LAMB1: variants seen among roughly 807,000 people sequenced by gnomAD.
LAMB1 encodes the protein laminin subunit beta 1, also known as laminin subunit beta-1.
Under a neutral mutation model 222.3 loss-of-function variants are expected in LAMB1, and 121 were observed. That is an observed-to-expected ratio of 0.54 (90% CI 0.47 to 0.63). LAMB1 has a LOEUF of 0.63. Among genes scored for constraint, LAMB1 ranks in the 30% least tolerant of loss-of-function variants. The pLI, the probability that LAMB1 is intolerant of heterozygous loss-of-function variation, is 0.00. For synonymous variants in LAMB1, 794 were observed against 807.2 expected, an observed-to-expected ratio of 0.98 and a Z score of 0.28; for missense variants, 2,172 against 2,240.8, an observed-to-expected ratio of 0.97 and a Z score of 0.62.
chr7:107,927,158 T>C (rs1157495667), intron 31 of LAMB1, among the ~76,000 whole-genome samples: 1 of 152,214 alleles, frequency 6.6e-6, no homozygotes, highest in African/African-American at 2.4e-5. Context: ...AGGGTCAGTA[T>C]AAGACATAGG....
intron 24 of LAMB1, among the ~76,000 whole-genome samples, chr7:107,941,800 A>G (rs1185761075): frequency 1.5e-5 from 2 of 133,488 alleles, no homozygotes; most frequent in East Asian, 2.3e-4. Flanking sequence ...CTGGGATTAC[A>G]GGCATGCGCC....
Position 108,003,144 on chromosome 7 carries a change from C to G in LAMB1, c.-120G>C. Reference sequence around the variant, plus strand: ...GCGAGCTCTCGCCCTGCTCCGGGAGCCCCCGAGCCCAAAGAAGGGAATTAG... The same window carrying G: ...GCGAGCTCTCGCCCTGCTCCGGGAGGCCCCGAGCCCAAAGAAGGGAATTAG... On this transcript the variant is annotated 5_prime_UTR_variant, in exon 1 of 34. Coordinates refer to ENST00000222399, the MANE Select transcript of LAMB1 (RefSeq NM_002291.3). 1.6e-6 allele frequency: 1 copy of G among 633,536 alleles called. No individual in the cohort carries two copies. The highest frequency in any genetic ancestry group is 3.3e-5 in the Admixed American group (1 of 29,962). The allele number at this position is 633,536 out of a possible 1,614,324, so 39.2% of individuals were successfully genotyped here.
chr7:107,965,363 T>C (rs1451802428), intron 13 of LAMB1, among the ~76,000 whole-genome samples: 4 of 152,178 alleles, frequency 2.6e-5, no homozygotes, highest in Non-Finnish European at 5.9e-5. Context: ...GCGGATCACC[T>C]GAGGTTGGGA....
intron 24 of LAMB1, among the ~76,000 whole-genome samples, chr7:107,948,915 A>G: frequency 6.6e-6 from 1 of 152,218 alleles, no homozygotes; most frequent in East Asian, 1.9e-4. Flanking sequence ...CAGAAAAAAA[A>G]AGGAAATGCC....
intron 24 of LAMB1, among the ~76,000 whole-genome samples, chr7:107,949,054 C>A (rs34078985): frequency 6.6e-6 from 1 of 152,128 alleles, no homozygotes; most frequent in Non-Finnish European, 1.5e-5. Flanking sequence ...AAGTTTCTTA[C>A]GTAATGAGCT....
intron 4 of LAMB1, 26 bp downstream of exon 4, chr7:107,998,331 A>C: frequency 6.2e-7 from 1 of 1,612,608 alleles, no homozygotes. Flanking sequence ...CACTCAACGG[A>C]ACTTGTCCCC....
At chr7:107,935,054 T>G (rs919667814) in intron 27 of LAMB1, among the ~76,000 whole-genome samples, 3 of 151,960 alleles carry the variant, frequency 2.0e-5, no homozygotes, top group Non-Finnish European at 1.5e-5. Flanking sequence ...CTGTCTCTAC[T>G]TAGGAAAAAA....
intron 24 of LAMB1, among the ~76,000 whole-genome samples, chr7:107,941,489 T>A (rs2032980316): frequency 6.6e-6 from 1 of 152,166 alleles, no homozygotes. Context: ...AGCATCGGAC[T>A]CAGGGTTAAC....
chr7:107,959,434 G>A lies in LAMB1; in HGVS notation c.2505C>T (p.Pro835=), dbSNP rs764193183. The A allele has an allele frequency of 5.0e-6, 8 of 1,614,208 alleles. No homozygotes were observed. The highest frequency in any genetic ancestry group is 2.2e-5 in the East Asian group (1 of 44,890). ...LQGSVNAFCN[P]VTGQCHCFQG... The stretch of plus-strand genomic sequence containing the variant: ...GGAAACAGTGGCACTGGCCAGTGAC[G>A]GGATTGCAGAAGGCATTGACAGATC... The change falls in exon 20 of 34, where the codon CCC becomes CCT. Residue 835 remains proline, a synonymous_variant. Transcript: ENST00000222399.
At chr7:107,957,474 C>T (rs1290700701) in intron 20 of LAMB1, among the ~76,000 whole-genome samples, 1 of 152,068 alleles carries the variant, frequency 6.6e-6, no homozygotes, top group African/African-American at 2.4e-5. Context: ...CTTGAACCTG[C>T]GAGTCAGAGG....
At chr7:107,956,655 G>A (rs1180116831) in intron 20 of LAMB1, among the ~76,000 whole-genome samples, 1 of 152,202 alleles carries the variant, frequency 6.6e-6, no homozygotes, top group Non-Finnish European at 1.5e-5. Context: ...CTATGCCTGA[G>A]AGGGGTGATG....
chr7:107,939,864 T>A, intron 25 of LAMB1, 125 bp downstream of exon 25: 1 of 1,104,430 alleles, frequency 9.1e-7, no homozygotes, highest in Non-Finnish European at 1.3e-6. Flanking sequence ...TGGCTCAGAA[T>A]CTGTTCTCAC....
rs759333493 is a variant in LAMB1 at position 107,959,789 on chromosome 7, G to T, written c.2360C>A (p.Pro787His). The change falls in exon 19 of 34, where the codon CCC becomes CAC. Residue 787 changes from proline (P) to histidine (H), a missense_variant. Transcript: ENST00000222399. ...CCGGCACTGGCACTGGCCTCCGTTGGGATCACACACGGAACTTAACGAACC... is the reference window on the plus strand; with the variant it reads ...CCGGCACTGGCACTGGCCTCCGTTGTGATCACACACGGAACTTAACGAACC... Reference protein sequence around the residue: ...PQGSLSSVCDPNGGQCQCRPN... With the variant: ...PQGSLSSVCDHNGGQCQCRPN... 1.9e-6 allele frequency: 3 copies of T among 1,613,986 alleles called. No individual in the cohort carries two copies. The highest frequency in any genetic ancestry group is 1.7e-5 in the Admixed American group (1 of 59,978).
At chr7:107,994,837 T>C (rs375576687) in intron 5 of LAMB1, 50 bp downstream of exon 5, 51 of 1,029,348 alleles carry the variant, frequency 5.0e-5, no homozygotes, top group Non-Finnish European at 7.1e-5. Flanking sequence ...AAAGGGGACA[T>C]TACACAGTGC....
intron 7 of LAMB1, among the ~76,000 whole-genome samples, chr7:107,982,892 T>C (rs144381969): frequency 2.4e-4 from 37 of 152,328 alleles, no homozygotes; most frequent in African/African-American, 8.9e-4. Context: ...GATTCTCCGA[T>C]GTCATTTAAC....
At chr7:108,001,926 A>C in intron 2 of LAMB1, 193 bp from the exon 3 acceptor site, 1 of 1,458,086 alleles carries the variant, frequency 6.9e-7, no homozygotes, top group Non-Finnish European at 9.1e-7. Context: ...CGAAAGGAGA[A>C]GGACACGGAA....
intron 13 of LAMB1, among the ~76,000 whole-genome samples, chr7:107,970,531 A>G (rs2150435713): frequency 6.6e-6 from 1 of 150,580 alleles, no homozygotes; most frequent in African/African-American, 2.4e-5. Context: ...CAAGCCAGAT[A>G]TGAAAACTCT....
At chr7:107,979,848 C>T (rs1473157876) in intron 8 of LAMB1, among the ~76,000 whole-genome samples, 2 of 152,124 alleles carry the variant, frequency 1.3e-5, no homozygotes, top group Admixed American at 6.5e-5. Context: ...CAGAGGTGTG[C>T]GGATCACTTG....
In LAMB1 at chr7:107,951,027, G is replaced by C. The variant is rs534298324; in HGVS notation, c.3391+199C>G. 171 of 518,782 alleles carry C rather than the reference G, an allele frequency of 3.3e-4. 2 individuals are homozygous for C. The South Asian group carries it at 3.9e-3, about 12-fold the overall frequency. The allele number at this position is 518,782 out of a possible 1,614,324, so 32.1% of individuals were successfully genotyped here. A position where few individuals can be genotyped will look rare whatever the true frequency, so the allele number is the denominator to read the frequency against. ...CGGGAGAGTATGCACATCCACTCTT[G>C]ACTACCTATACTTATGGGCAGGGCT... On this transcript the variant is annotated intron_variant, in intron 24 of 33. Coordinates refer to ENST00000222399, the MANE Select transcript of LAMB1 (RefSeq NM_002291.3).
Sources: allele counts gnomAD v4.1 joint callset (sites outside exome capture counted in the v4.1 genomes callset), GRCh38; gene constraint gnomAD v4.1.1; transcripts MANE v1.5; gene names NCBI Gene and HGNC (gene_info 2026-07-23, HGNC 2026-07-21).